COL4A6: variants seen among roughly 807,000 people sequenced by gnomAD.
COL4A6 encodes collagen alpha-6(IV) chain.
In COL4A6, 59 loss-of-function variants were observed where a neutral mutation model predicts 126.7. The ratio of observed to expected loss-of-function variants is 0.47; its 90% CI spans 0.38 to 0.58. The LOEUF is 0.58. Among genes scored for constraint, COL4A6 ranks in the 20% least tolerant of loss-of-function variants. The pLI, the probability that COL4A6 is intolerant of heterozygous loss-of-function variation, is 0.00. For synonymous variants in COL4A6, 547 were observed against 496.6 expected (o/e 1.10, Z -1.35); for missense variants, 1,285 against 1,337.3 (o/e 0.96, Z 0.61).
chrX:108,419,314 A>T (rs2041488832), intron 2 of COL4A6, among the ~76,000 whole-genome samples: 1 of 111,723 alleles, frequency 9.0e-6, no homozygotes, highest in African/African-American at 3.3e-5. Flanking sequence ...GGGGTGGTGA[A>T]AGTTCTTATT....
intron 3 of COL4A6, among the ~76,000 whole-genome samples, chrX:108,252,025 A>C (rs1253161490): frequency 9.0e-6 from 1 of 111,214 alleles, no homozygotes; most frequent in Non-Finnish European, 1.9e-5. Context: ...GAAATATACA[A>C]TACACTATTG....
At chrX:108,271,302 C>A (rs1025247120) in intron 3 of COL4A6, among the ~76,000 whole-genome samples, 2 of 111,665 alleles carry the variant, frequency 1.8e-5, no homozygotes, top group African/African-American at 3.3e-5. Flanking sequence ...GTACAAGACT[C>A]CCCCAAGGGA....
intron 3 of COL4A6, among the ~76,000 whole-genome samples, chrX:108,286,600 C>CTCA (rs1388549875): frequency 9.0e-6 from 1 of 111,412 alleles, no homozygotes; most frequent in Non-Finnish European, 1.9e-5. Flanking sequence ...GAGACAGAGT[C>CTCA]TCAGTCTGTC....
At chrX:108,230,110 GA>G (rs2036267297) in intron 3 of COL4A6, among the ~76,000 whole-genome samples, 1 of 111,469 alleles carries the variant, frequency 9.0e-6, no homozygotes, top group Non-Finnish European at 1.9e-5. Flanking sequence ...TTCACCTTTG[GA>G]CAGGTGGAAT....
intron 2 of COL4A6, among the ~76,000 whole-genome samples, chrX:108,402,600 T>C (rs1650075917): frequency 9.0e-6 from 1 of 111,424 alleles, no homozygotes; most frequent in Non-Finnish European, 1.9e-5. Flanking sequence ...TTCATTTTCT[T>C]ATTATAAGAA....
At chrX:108,212,372 G>C (rs1321753741) in intron 6 of COL4A6, among the ~76,000 whole-genome samples, 2 of 111,439 alleles carry the variant, frequency 1.8e-5, no homozygotes, top group African/African-American at 6.5e-5. Context: ...TAAGAGGCTG[G>C]TGTATCTCAC....
intron 2 of COL4A6, among the ~76,000 whole-genome samples, chrX:108,355,552 T>C (rs1481499436): frequency 4.5e-5 from 5 of 111,949 alleles, no homozygotes; most frequent in African/African-American, 1.6e-4. Context: ...ACTCAAATAG[T>C]ACATAAATAA....
Position 108,188,647 on chromosome X carries a change from C to G in COL4A6, c.1457G>C (p.Gly486Ala), listed in dbSNP as rs150087421. 3 of 1,176,645 alleles carry G rather than the reference C, an allele frequency of 2.5e-6. No individual in the cohort carries two copies. The East Asian group carries it at 9.2e-5, about 36-fold the overall frequency. The change falls in exon 21 of 45, where the codon GGT (glycine) becomes GCT (alanine). Residue 486 changes from glycine (G) to alanine (A), a missense_variant. Gly to Ala is a moderately conservative substitution (Grantham distance 60). Transcript: ENST00000334504. Reference protein sequence around the residue: ...GDSGFCACDGGVPNTGPPGEP... With the variant: ...GDSGFCACDGAVPNTGPPGEP... The stretch of plus-strand genomic sequence containing the variant: ...CCCGGGTGGTCCAGTGTTGGGAACA[C>G]CACCGTCACAAGCACAGAAACCTGA...
chrX:108,202,397 A>C (rs1357955307), intron 13 of COL4A6, among the ~76,000 whole-genome samples: 2 of 111,977 alleles, frequency 1.8e-5, no homozygotes, highest in Non-Finnish European at 3.8e-5. Context: ...GTCCAGCAGA[A>C]TGCCTGGCAC....
intron 3 of COL4A6, among the ~76,000 whole-genome samples, chrX:108,306,703 C>T (rs1355121337): frequency 1.8e-5 from 2 of 111,121 alleles, no homozygotes; most frequent in Non-Finnish European, 3.8e-5. Flanking sequence ...GAAACTTGGG[C>T]TCAGTTTCTC....
At chrX:108,326,220 C>T (rs191288974) in intron 2 of COL4A6, among the ~76,000 whole-genome samples, 7 of 111,600 alleles carry the variant, frequency 6.3e-5, no homozygotes, top group East Asian at 2.8e-4. Context: ...GATACAAGGT[C>T]GATATACAAA....
At chrX:108,254,381 A>C (rs2036937019) in intron 3 of COL4A6, among the ~76,000 whole-genome samples, 1 of 111,697 alleles carries the variant, frequency 9.0e-6, no homozygotes, top group South Asian at 3.7e-4. Context: ...GGGCACACTT[A>C]ATTTAAGAGA....
At chrX:108,179,129 C>A in intron 26 of COL4A6, 88 bp downstream of exon 26, 2 of 890,876 alleles carry the variant, frequency 2.2e-6, no homozygotes. Flanking sequence ...AAACCATCAC[C>A]CCAGATTCAT....
chrX:108,254,438 G>C (rs2036938282), intron 3 of COL4A6, among the ~76,000 whole-genome samples: 1 of 111,401 alleles, frequency 9.0e-6, no homozygotes, highest in African/African-American at 3.3e-5. Flanking sequence ...GCAGAAACAG[G>C]GTTTCAACAA....
At chrX:108,282,326 A>T (rs2037862344) in intron 3 of COL4A6, among the ~76,000 whole-genome samples, 1 of 105,991 alleles carries the variant, frequency 9.4e-6, no homozygotes, top group Admixed American at 1.0e-4. Context: ...CCCATCAAAA[A>T]GTGGGCGAAG....
Position 108,172,477 on chromosome X carries a change from C to A in COL4A6, c.3194G>T (p.Gly1065Val). 8.3e-7 allele frequency: 1 copy of A among 1,203,434 alleles called. No individual in the cohort carries two copies. The highest frequency in any genetic ancestry group is 1.1e-6 in the Non-Finnish European group (1 of 891,070). Residue 1065 changes from glycine to valine, a missense_variant, in exon 32 of 45, where the codon GGC becomes GTC. By Grantham distance (109) the Gly-to-Val change is moderately radical. Coordinates refer to ENST00000334504, the MANE Select transcript of COL4A6 (RefSeq NM_033641.4). Reference protein sequence around the residue: ...PGLPGASGLPGLKGDNGQTVE... With the variant: ...PGLPGASGLPVLKGDNGQTVE... ...AAAAAAATGCTCCTTACCTTTCAGGCCTGGGAGACCAGATGCTCCTGGGAG... is the reference window on the plus strand; with the variant it reads ...AAAAAAATGCTCCTTACCTTTCAGGACTGGGAGACCAGATGCTCCTGGGAG...
intron 3 of COL4A6, among the ~76,000 whole-genome samples, chrX:108,231,634 A>G (rs1442824743): frequency 3.6e-5 from 4 of 111,661 alleles, no homozygotes; most frequent in Non-Finnish European, 7.5e-5. Flanking sequence ...ATTTGCTGAT[A>G]TCAAAGCCTC....
At chrX:108,404,744 C>T (rs1231417670) in intron 2 of COL4A6, among the ~76,000 whole-genome samples, 1 of 111,599 alleles carries the variant, frequency 9.0e-6, no homozygotes. Context: ...TCCAATTTCT[C>T]CTCTATTCTT....
intron 3 of COL4A6, among the ~76,000 whole-genome samples, chrX:108,287,952 G>T (rs895099950): frequency 8.9e-6 from 1 of 111,790 alleles, no homozygotes; most frequent in African/African-American, 3.3e-5. Context: ...AGGAATCACT[G>T]TTCCTTGTGG....
Sources: gnomAD v4.1 joint callset for allele counts (sites outside exome capture counted in the v4.1 genomes callset) on GRCh38, gnomAD v4.1.1 for gene constraint, MANE v1.5 for transcripts, NCBI Gene and HGNC (gene_info 2026-07-23, HGNC 2026-07-21) for gene names.